Variants in KHDC1 observed in about 807,000 individuals in gnomAD.
The protein encoded by KHDC1 is KH homology domain-containing protein 1.
KHDC1 carries 21 observed loss-of-function variants against 24.7 expected under a neutral mutation model. That is an observed-to-expected ratio of 0.85 (90% CI 0.60 to 1.23). KHDC1 has a LOEUF of 1.23. Among genes scored for constraint, KHDC1 ranks in the 50% most tolerant of loss-of-function variants. The probability of loss-of-function intolerance (pLI) is 0.00; values close to 1 mark genes in which losing one functional copy is unlikely to be tolerated. For synonymous variants in KHDC1, 98 were observed against 111.7 expected, an observed-to-expected ratio of 0.88 and a Z score of 0.77; for missense variants, 274 against 298.5, an observed-to-expected ratio of 0.92 and a Z score of 0.61.
chr6:73,262,679 GT>G, intron 2 of KHDC1, 94 bp downstream of exon 1: 3 of 949,518 alleles, frequency 3.2e-6, no homozygotes, highest in Non-Finnish European at 3.8e-6. Context: ...TGTTTCCCCT[GT>G]TTTTACACTT....
chr6:73,289,599 A>G (rs2150718792), intron 2 of KHDC1, among the ~76,000 whole-genome samples: 2 of 151,548 alleles, frequency 1.3e-5, no homozygotes, highest in East Asian at 2.0e-4. Context: ...GCAGTGAGCC[A>G]TGATCACGCC....
chr6:73,255,579 A>G (rs1562247387), intron 2 of KHDC1, among the ~76,000 whole-genome samples: 1 of 147,524 alleles, frequency 6.8e-6, no homozygotes, highest in Admixed American at 6.8e-5. Flanking sequence ...AGCATCCTTC[A>G]GTGGGATCAT....
intron 2 of KHDC1, among the ~76,000 whole-genome samples, chr6:73,290,189 A>C (rs1434684510): frequency 6.6e-6 from 1 of 151,734 alleles, no homozygotes; most frequent in African/African-American, 2.4e-5. Context: ...AGGCAGGGAA[A>C]TCGCTTGAAC....
At chr6:73,308,160 C>T (rs1335979524) in intron 1 of KHDC1, among the ~76,000 whole-genome samples, 1 of 150,212 alleles carries the variant, frequency 6.7e-6, no homozygotes, top group Non-Finnish European at 1.5e-5. Flanking sequence ...CTGCAAGTTC[C>T]GCCTCCTGGG....
intron 1 of KHDC1, among the ~76,000 whole-genome samples, chr6:73,308,068 T>A (rs1768003567): frequency 7.4e-6 from 1 of 134,640 alleles, no homozygotes. Flanking sequence ...CAGGCCCAGC[T>A]AATTTTTTTT....
chr6:73,272,062 GACAACACTA>G, intron 2 of KHDC1, among the ~76,000 whole-genome samples: 1 of 150,970 alleles, frequency 6.6e-6, no homozygotes, highest in African/African-American at 2.4e-5. Context: ...GTCAACACCA[GACAACACTA>G]CTCATAGAAA....
At chr6:73,297,626 C>T (rs1271681933) in intron 1 of KHDC1, among the ~76,000 whole-genome samples, 1 of 152,058 alleles carries the variant, frequency 6.6e-6, no homozygotes, top group Non-Finnish European at 1.5e-5. Flanking sequence ...ACTCACTAGC[C>T]TTGTTGCTAA....
At chr6:73,268,282 T>A in intron 2 of KHDC1, 2 of 153,210 alleles carry the variant, frequency 1.3e-5, no homozygotes, top group African/African-American at 2.4e-5. Context: ...ATCTGGAGTT[T>A]TTCGTTCCTC....
chr6:73,259,788 A>C (rs1158172441), intron 2 of KHDC1, among the ~76,000 whole-genome samples: 4 of 152,158 alleles, frequency 2.6e-5, no homozygotes, highest in Non-Finnish European at 4.4e-5. Flanking sequence ...TTGTAATTGA[A>C]TCTATTCACC....
At chr6:73,255,251 G>C (rs1766860997) in intron 2 of KHDC1, among the ~76,000 whole-genome samples, 2 of 124,678 alleles carry the variant, frequency 1.6e-5, no homozygotes, top group Admixed American at 9.8e-5. Context: ...GGGGTCTCTC[G>C]CTCTGTCACC....
intron 2 of KHDC1, among the ~76,000 whole-genome samples, chr6:73,255,864 T>A (rs951380729): frequency 6.3e-5 from 9 of 141,776 alleles, no homozygotes; most frequent in African/African-American, 2.1e-4. Context: ...ATCACGCCAC[T>A]GCACTCCAGC....
intron 1 of KHDC1, among the ~76,000 whole-genome samples, chr6:73,298,422 A>ATTTT (rs1562260419): frequency 8.7e-6 from 1 of 115,046 alleles, no homozygotes. Context: ...ATACTTTGCA[A>ATTTT]ATTTTTTTTT....
chr6:73,258,081 C>T (rs1332626158), intron 2 of KHDC1, among the ~76,000 whole-genome samples: 1 of 152,162 alleles, frequency 6.6e-6, no homozygotes, highest in Non-Finnish European at 1.5e-5. Flanking sequence ...CATGGTGAAA[C>T]TCTGTCTCTA....
chr6:73,292,925 C>T, intron 1 of KHDC1: 1 of 830,962 alleles, frequency 1.2e-6, no homozygotes, highest in Non-Finnish European at 2.0e-6. Flanking sequence ...GGTGGCTTGT[C>T]TTAAGGATTT....
chr6:73,309,759 G>T, exon 1 of KHDC1: 1 of 1,544,718 alleles, frequency 6.5e-7, no homozygotes. Flanking sequence ...TAAGGCACGA[G>T]TAGTACAGCT....
chr6:73,243,062 G>A (rs765192234), intron 2 of KHDC1, among the ~76,000 whole-genome samples: 1 of 152,192 alleles, frequency 6.6e-6, no homozygotes, highest in Admixed American at 6.5e-5. Flanking sequence ...GTGAGTCTAA[G>A]GAGTGTTTAG....
intron 2 of KHDC1, chr6:73,291,229 G>T: frequency 2.3e-6 from 1 of 432,566 alleles, no homozygotes; most frequent in South Asian, 1.8e-5. Context: ...CCACTGCTCA[G>T]ACCACTGAAT....
intron 1 of KHDC1, among the ~76,000 whole-genome samples, chr6:73,303,072 G>A (rs1767905070): frequency 1.3e-5 from 2 of 152,086 alleles, no homozygotes; most frequent in Non-Finnish European, 2.9e-5. Flanking sequence ...GTGAGACTCT[G>A]CCCCAAAAAT....
At chr6:73,286,882 C>CAA (rs34820901) in intron 2 of KHDC1, among the ~76,000 whole-genome samples, 10,243 of 141,424 alleles carry the variant, frequency 0.072, 381 homozygotes, top group East Asian at 0.13. Flanking sequence ...GACTCTGTCT[C>CAA]AAAAAAAAAA....
Sources: gnomAD v4.1 joint callset for allele counts (sites outside exome capture counted in the v4.1 genomes callset) on GRCh38, gnomAD v4.1.1 for gene constraint, MANE v1.5 for transcripts, NCBI Gene and HGNC (gene_info 2026-07-23, HGNC 2026-07-21) for gene names.